The following LRATD1 variants were observed in gnomAD, a reference collection of about 807,000 sequenced individuals.
LRATD1 encodes protein LRATD1.
LRATD1 carries 8 observed loss-of-function variants against 21.3 expected under a neutral mutation model. That is an observed-to-expected ratio of 0.38 (90% confidence interval 0.22 to 0.68). LRATD1 has a LOEUF of 0.68. Ranked by LOEUF, LRATD1 falls within the 30% of genes least tolerant of loss-of-function variation. The pLI is 0.54. For missense variants in LRATD1, 380 were observed against 404.0 expected (o/e 0.94, Z 0.51); for synonymous variants, 210 against 186.2 (o/e 1.13, Z -1.04).
chr2:14,645,804 G>T (rs1397214028), intron 2 of LRATD1, among the ~76,000 whole-genome samples: 1 of 152,144 alleles, frequency 6.6e-6, no homozygotes, highest in Non-Finnish European at 1.5e-5. Flanking sequence ...AACGCAAGGA[G>T]GCAACTAAGT....
Position 14,634,905 on chromosome 2 carries a change from CT to C in LRATD1, c.*49del. 6.4e-7 allele frequency: 1 copy of C among 1,564,016 alleles called. No homozygotes were observed. Among genetic ancestry groups the C allele is most frequent in the Non-Finnish European group, 8.7e-7 (1 of 1,153,782 alleles). On this transcript the variant is annotated 3_prime_UTR_variant, in exon 2 of 2. Transcript: ENST00000295092. ...CTCTGCCTCCCCCGCACCTCGCTCCCTTCCCTTCCCCGCACCCGGACTTCGC... is the reference window on the plus strand; with the variant it reads ...CTCTGCCTCCCCCGCACCTCGCTCCCTCCCTTCCCCGCACCCGGACTTCGC...
At chr2:14,640,904 G>T (rs894725997), downstream of LRATD1, among the ~76,000 whole-genome samples, 10 of 152,160 alleles carry the variant, frequency 6.6e-5, no homozygotes, top group African/African-American at 1.4e-4. Flanking sequence ...GGGAGGCAAG[G>T]CTCAGAGGTA....
Position 14,637,786 on chromosome 2 carries a change from G to A in LRATD1, c.*2928G>A, listed in dbSNP as rs765903726. 1.2e-5 allele frequency: 2 copies of A among 167,016 alleles called. No homozygotes were observed. Among genetic ancestry groups the A allele is most frequent in the Admixed American group, 6.5e-5 (1 of 15,282 alleles). The allele number at this position is 167,016 out of a possible 1,614,324, so 10.3% of individuals were successfully genotyped here. A position where few individuals can be genotyped will look rare whatever the true frequency, so the allele number is the denominator to read the frequency against. On this transcript the variant is annotated 3_prime_UTR_variant, in exon 2 of 2. Transcript: ENST00000295092. The stretch of plus-strand genomic sequence containing the variant: ...TGCAAGTTCCCTTTGCAGATGGCGT[G>A]GGCACACTTGATTTTTATTATGAGT...
rs1051453263 is a variant in LRATD1 at position 14,635,181 on chromosome 2, A to T, written c.*323A>T. The T allele has an allele frequency of 1.4e-5, 9 of 635,910 alleles. No individual in the cohort carries two copies. In the African/African-American group the frequency reaches 1.6e-4, roughly 11 times the overall value. The allele number at this position is 635,910 out of a possible 1,614,324, so 39.4% of individuals were successfully genotyped here. A position where few individuals can be genotyped will look rare whatever the true frequency, so the allele number is the denominator to read the frequency against. On this transcript the variant is annotated 3_prime_UTR_variant, in exon 2 of 2. Transcript: ENST00000295092. ...GGGGAAGGGGCTGAGGGGAGAAAGG[A>T]CATGGCCTTCCCCGCGAGTCCATGG...
downstream of LRATD1, among the ~76,000 whole-genome samples, chr2:14,644,134 T>C (rs1224227917): frequency 6.6e-6 from 1 of 151,892 alleles, no homozygotes; most frequent in Non-Finnish European, 1.5e-5. Context: ...ATACAAAGCA[T>C]AGTCTAGATT....
chr2:14,650,909 A>G (rs1671993219), downstream of LRATD1: 1 of 152,224 alleles, frequency 6.6e-6, no homozygotes, highest in Non-Finnish European at 1.5e-5. Flanking sequence ...GGATACACAC[A>G]TACACATTTA....
chr2:14,649,192 G>C (rs1671956787), intron 4 of LRATD1: 1 of 441,070 alleles, frequency 2.3e-6, no homozygotes, highest in Admixed American at 2.4e-5. Flanking sequence ...AGCATGTGTA[G>C]GGGTTGGGGG....
rs1166386379 is a variant in LRATD1 at position 14,635,329 on chromosome 2, C to T, written c.*471C>T. On this transcript the variant is annotated 3_prime_UTR_variant, in exon 2 of 2. Coordinates refer to ENST00000295092, the MANE Select transcript of LRATD1 (RefSeq NM_145175.4). ...GTCTCTACAGGGCACAGTTCAGCTCCTCTGTGGATGCGTCCCCAGATCGCA... is the reference window on the plus strand; with the variant it reads ...GTCTCTACAGGGCACAGTTCAGCTCTTCTGTGGATGCGTCCCCAGATCGCA... 2.1e-6 allele frequency: 1 copy of T among 480,090 alleles called. No individual in the cohort carries two copies. The highest frequency in any genetic ancestry group is 6.8e-5 in the East Asian group (1 of 14,748). The allele number at this position is 480,090 out of a possible 1,614,324, so 29.7% of individuals were successfully genotyped here.
chr2:14,635,190 T>C lies in LRATD1; in HGVS notation c.*332T>C. ...GCTGAGGGGAGAAAGGACATGGCCT[T>C]CCCCGCGAGTCCATGGCCAGTGACT... On this transcript the variant is annotated 3_prime_UTR_variant, in exon 2 of 2. Coordinates refer to ENST00000295092, the MANE Select transcript of LRATD1 (RefSeq NM_145175.4). The C allele has an allele frequency of 1.7e-6, 1 of 605,948 alleles. No individual in the cohort carries two copies. The highest frequency in any genetic ancestry group is 3.2e-6 in the Non-Finnish European group (1 of 313,874). The allele number at this position is 605,948 out of a possible 1,614,324, so 37.5% of individuals were successfully genotyped here.
chr2:14,640,333 A>G (rs185814285), downstream of LRATD1, among the ~76,000 whole-genome samples: 22 of 152,332 alleles, frequency 1.4e-4, no homozygotes, highest in East Asian at 4.2e-3. Context: ...TTTATATATT[A>G]AAATAATTGC....
chr2:14,635,980 T>C lies in LRATD1; in HGVS notation c.*1122T>C. The C allele has an allele frequency of 4.1e-6, 1 of 244,470 alleles. No individual in the cohort carries two copies. Among genetic ancestry groups the C allele is most frequent in the Non-Finnish European group, 8.8e-6 (1 of 113,300 alleles). The allele number at this position is 244,470 out of a possible 1,614,324, so 15.1% of individuals were successfully genotyped here. A position where few individuals can be genotyped will look rare whatever the true frequency, so the allele number is the denominator to read the frequency against. ...ATGTCAACAAAGCCTATCGTGTTGA[T>C]GTTTTTATTGACCATTTTAGCAACA... On this transcript the variant is annotated 3_prime_UTR_variant, in exon 2 of 2. Coordinates refer to ENST00000295092, the MANE Select transcript of LRATD1 (RefSeq NM_145175.4).
chr2:14,648,286 G>T (rs1363487607), intron 4 of LRATD1, among the ~76,000 whole-genome samples: 1 of 151,972 alleles, frequency 6.6e-6, no homozygotes, highest in Non-Finnish European at 1.5e-5. Flanking sequence ...TGGTCTTAGG[G>T]CCTTTAAATT....
In LRATD1 at chr2:14,633,068, CCACACCCACA is replaced by C. The variant is rs1157647628; in HGVS notation, c.-37+136_-37+145del. 3.9e-5 allele frequency: 6 copies of C among 152,644 alleles called. No individual in the cohort carries two copies. Among genetic ancestry groups the C allele is most frequent in the African/African-American group, 1.4e-4 (6 of 41,454 alleles). 9.5% of individuals were successfully genotyped at this position (152,644 alleles called of 1,614,324 possible). A position where few individuals can be genotyped will look rare whatever the true frequency, so the allele number is the denominator to read the frequency against. On this transcript the variant is annotated intron_variant, in intron 1 of 1. Transcript: ENST00000295092. This position sits in a 1 kb window ranked among gnomAD's most constrained non-coding sequence, Gnocchi z 7.5. ...CCTCTCTACACACACACGCTCCCACCCACACCCACACACATACACTGCACTGGCTTTCTCC... is the reference window on the plus strand; with the variant it reads ...CCTCTCTACACACACACGCTCCCACCCACATACACTGCACTGGCTTTCTCC...
At chr2:14,651,351 G>A (rs1430475632), downstream of LRATD1, among the ~76,000 whole-genome samples, 1 of 152,052 alleles carries the variant, frequency 6.6e-6, no homozygotes, top group Admixed American at 6.6e-5. Context: ...ATCTAGCTCT[G>A]CACTACAACA....
chr2:14,634,879 C>G lies in LRATD1; in HGVS notation c.*21C>G. 1 of 1,598,706 alleles carries G rather than the reference C, an allele frequency of 6.3e-7. No homozygotes were observed. Among genetic ancestry groups the G allele is most frequent in the Non-Finnish European group, 8.5e-7 (1 of 1,170,910 alleles). ...AGTAGCCGCCTAGGGGCTGCCGGCC[C>G]CTCTGCCTCCCCCGCACCTCGCTCC... is the stretch of plus-strand genomic sequence containing the variant. On this transcript the variant is annotated 3_prime_UTR_variant, in exon 2 of 2. Transcript: ENST00000295092.
At chr2:14,646,022 G>C (rs1206009638) in intron 2 of LRATD1, 1 of 152,044 alleles carries the variant, frequency 6.6e-6, no homozygotes, top group Non-Finnish European at 1.5e-5. Flanking sequence ...CAGGGGTTCT[G>C]ATCCAAAACG....
intron 4 of LRATD1, among the ~76,000 whole-genome samples, chr2:14,647,756 C>T (rs559100037): frequency 1.3e-5 from 2 of 152,260 alleles, no homozygotes; most frequent in Non-Finnish European, 2.9e-5. Flanking sequence ...GCCTCCAGAA[C>T]TGTGAGGATA....
downstream of LRATD1, among the ~76,000 whole-genome samples, chr2:14,641,492 A>C (rs1671805299): frequency 6.6e-6 from 1 of 152,116 alleles, no homozygotes; most frequent in Non-Finnish European, 1.5e-5. Context: ...TATTTATCCC[A>C]ATCTGGATTG....
Position 14,637,821 on chromosome 2 carries a change from C to A in LRATD1, c.*2963C>A, listed in dbSNP as rs1279548328. 3 of 167,062 alleles carry A rather than the reference C, an allele frequency of 1.8e-5. No homozygotes were observed. Among genetic ancestry groups the A allele is most frequent in the Non-Finnish European group, 4.4e-5 (3 of 68,108 alleles). The allele number at this position is 167,062 out of a possible 1,614,324, so 10.3% of individuals were successfully genotyped here. On this transcript the variant is annotated 3_prime_UTR_variant, in exon 2 of 2. Coordinates refer to ENST00000295092, the MANE Select transcript of LRATD1 (RefSeq NM_145175.4). ...GATTTTTATTATGAGTGAATGTAAT[C>A]TTTCTGTATTTTACCAGAGTTACAG...
Sources: allele counts gnomAD v4.1 joint callset (sites outside exome capture counted in the v4.1 genomes callset), GRCh38; gene constraint gnomAD v4.1.1; non-coding constraint Gnocchi (gnomAD v3.1); transcripts MANE v1.5; gene names NCBI Gene and HGNC (gene_info 2026-07-23, HGNC 2026-07-21).